RAD54B: variants seen among roughly 807,000 people sequenced by gnomAD.
RAD54B encodes RAD54 homolog B.
In RAD54B, 78 loss-of-function variants were observed where a neutral mutation model predicts 95.8. The observed-to-expected ratio is 0.81, with a 90% CI of 0.68 to 0.98. The LOEUF is 0.98. Among genes scored for constraint, RAD54B ranks in the 50% least tolerant of loss-of-function variants. The probability of loss-of-function intolerance (pLI) is 0.00; values close to 1 mark genes in which losing one functional copy is unlikely to be tolerated. For synonymous variants in RAD54B, 328 were observed against 354.9 expected (o/e 0.92, Z 0.85); for missense variants, 957 against 1,056.6 (o/e 0.91, Z 1.31).
chr8:94,391,495 G>C, intron 10 of RAD54B, 114 bp downstream of exon 10: 1 of 1,106,694 alleles, frequency 9.0e-7, no homozygotes, highest in Non-Finnish European at 1.3e-6. Context: ...AGCCAGCAGA[G>C]CTTTTTGAAA....
chr8:94,468,463 C>A (rs1813083494), intron 1 of RAD54B, among the ~76,000 whole-genome samples: 1 of 151,568 alleles, frequency 6.6e-6, no homozygotes, highest in Non-Finnish European at 1.5e-5. Flanking sequence ...AATCCCTGTA[C>A]TTTGAAAGGA....
intron 10 of RAD54B, among the ~76,000 whole-genome samples, chr8:94,388,540 C>T (rs11991084): frequency 0.018 from 2,789 of 152,232 alleles, 72 homozygotes; most frequent in African/African-American, 0.062. Context: ...GCCCCCCTAA[C>T]CCCAGGGTTG....
intron 10 of RAD54B, 94 bp downstream of exon 10, chr8:94,391,515 T>C (rs1408041578): frequency 7.5e-7 from 1 of 1,331,506 alleles, no homozygotes; most frequent in East Asian, 2.3e-5. Flanking sequence ...AACCCACAAA[T>C]GCAACCTCAG....
intron 11 of RAD54B, among the ~76,000 whole-genome samples, chr8:94,381,819 G>GT (rs1810747330): frequency 6.6e-6 from 1 of 152,096 alleles, no homozygotes; most frequent in Admixed American, 6.5e-5. Flanking sequence ...ACAAGAAATT[G>GT]TTTTAAGAGA....
At chr8:94,474,157 T>C (rs1229889729) in intron 1 of RAD54B, among the ~76,000 whole-genome samples, 1 of 152,098 alleles carries the variant, frequency 6.6e-6, no homozygotes, top group Non-Finnish European at 1.5e-5. Context: ...AAATGGGAGC[T>C]AAACATTGGG....
rs112849710 is a variant in RAD54B, at chr8:94,448,694, TA to T, written c.304+9573del. Among the ~76,000 whole-genome samples, 219 of 138,192 alleles carry T rather than the reference TA, an allele frequency of 1.6e-3. 1 individual carries two copies. The highest frequency in any genetic ancestry group is 4.3e-3 in the East Asian group (21 of 4,874). 90.7% of individuals were successfully genotyped at this position (138,192 alleles called of 152,430 possible). ...TCACGTTATATGTGGAATGTTACTTTAAAAAAAAAAAAAAGGCCAAACATAC... is the reference window on the plus strand; with the variant it reads ...TCACGTTATATGTGGAATGTTACTTTAAAAAAAAAAAAAGGCCAAACATAC... On this transcript the variant is annotated intron_variant, in intron 3 of 14. Transcript: ENST00000336148.
chr8:94,386,420 G>C (rs1433084126), intron 11 of RAD54B, among the ~76,000 whole-genome samples: 1 of 152,162 alleles, frequency 6.6e-6, no homozygotes, highest in African/African-American at 2.4e-5. Flanking sequence ...GATAGATTTA[G>C]ATGTCCATTC....
In RAD54B at chr8:94,411,164, CTT is replaced by C; in HGVS notation, c.454_455del (p.Lys152ValfsTer19). 6.2e-7 allele frequency: 1 copy of C among 1,610,166 alleles called. No homozygotes were observed. Among genetic ancestry groups the C allele is most frequent in the Non-Finnish European group, 8.5e-7 (1 of 1,178,590 alleles). The stretch of plus-strand genomic sequence containing the variant: ...CTTCCAAATTCTTTAATATAAATGA[CTT>C]TCCTTTTACAATAAGAACAGCATCA... The part of the protein sequence containing the change: ...EGDAVLIVKG[K>X]SFILKNLEGK... On this transcript the variant is annotated frameshift_variant, in exon 4 of 15. Transcript: ENST00000336148. LOFTEE classifies it high-confidence loss of function.
chr8:94,436,862 C>CTA, intron 3 of RAD54B: 4 of 1,524,192 alleles, frequency 2.6e-6, no homozygotes, highest in Non-Finnish European at 3.5e-6. Flanking sequence ...CTAGCCTTTC[C>CTA]TACCATTGTT....
intron 1 of RAD54B, among the ~76,000 whole-genome samples, chr8:94,469,404 G>C (rs545535403): frequency 2.0e-5 from 3 of 152,272 alleles, no homozygotes; most frequent in Non-Finnish European, 4.4e-5. Flanking sequence ...TTGCCTTCCG[G>C]CATAAATGTG....
At chr8:94,434,018 G>A (rs1286909386) in intron 3 of RAD54B, among the ~76,000 whole-genome samples, 1 of 151,488 alleles carries the variant, frequency 6.6e-6, no homozygotes, top group African/African-American at 2.4e-5. Context: ...CTATTTGTAG[G>A]TTATATAAAT....
At chr8:94,417,232 G>T (rs1811694897) in intron 3 of RAD54B, among the ~76,000 whole-genome samples, 1 of 152,072 alleles carries the variant, frequency 6.6e-6, no homozygotes, top group Non-Finnish European at 1.5e-5. Flanking sequence ...TAGGCTGGAG[G>T]GTAAGGATGG....
intron 3 of RAD54B, among the ~76,000 whole-genome samples, chr8:94,432,986 C>A (rs1295573824): frequency 6.6e-6 from 1 of 152,054 alleles, no homozygotes; most frequent in South Asian, 2.1e-4. Flanking sequence ...TTTCCCACAA[C>A]CCTAAGGTTT....
At chr8:94,419,496 G>A (rs908102007) in intron 3 of RAD54B, among the ~76,000 whole-genome samples, 11 of 151,798 alleles carry the variant, frequency 7.2e-5, no homozygotes, top group Admixed American at 5.3e-4. Context: ...CAACAAGAGC[G>A]AAACTCCGTC....
Position 94,467,523 on chromosome 8 carries a change from G to A in RAD54B, c.17C>T (p.Ala6Val). Residue 6 changes from alanine to valine, a missense_variant, in exon 2 of 15, where the codon GCA becomes GTA. Coordinates refer to ENST00000336148, the MANE Select transcript of RAD54B (RefSeq NM_012415.3). ...GGAATTCCCCTGCAACTGACTTGGT[G>A]CTGCAGATCGTCTCATATTCAGCAG... MRRSAAPSQLQGNSFK... is the reference protein window; with the variant it reads MRRSAVPSQLQGNSFK... The A allele has an allele frequency of 6.2e-7, 1 of 1,612,974 alleles. No homozygotes were observed. The highest frequency in any genetic ancestry group is 8.5e-7 in the Non-Finnish European group (1 of 1,179,916).
Position 94,393,757 on chromosome 8 carries a change from G to C in RAD54B, c.1504C>G (p.Pro502Ala), listed in dbSNP as rs774551093. The change falls in exon 9 of 15, where the codon CCT (proline) becomes GCT (alanine). Residue 502 changes from proline (P) to alanine (A), a missense_variant. Pro to Ala is a conservative substitution (Grantham distance 27, BLOSUM62 -1). Transcript: ENST00000336148. ...YEEPIILSRE[P>A]SASEEEKELG... is the part of the protein sequence containing the mutation. Reference sequence around the variant, plus strand: ...GTAAATTATACCTCAGAAGCAGAAGGTTCTCTCGATAAAATGATGGGTTCT... The same window carrying C: ...GTAAATTATACCTCAGAAGCAGAAGCTTCTCTCGATAAAATGATGGGTTCT... 22 of 1,579,780 alleles carry C rather than the reference G, an allele frequency of 1.4e-5. No individual in the cohort carries two copies. The highest frequency in any genetic ancestry group is 1.9e-5 in the Non-Finnish European group (22 of 1,151,800).
chr8:94,407,829 G>T, intron 4 of RAD54B, 109 bp from the exon 5 acceptor site: 1 of 769,280 alleles, frequency 1.3e-6, no homozygotes, highest in South Asian at 2.9e-5. Flanking sequence ...CTTATATAAT[G>T]CATTAGCCAA....
chr8:94,436,967 G>A (rs1363173209), intron 3 of RAD54B: 2 of 1,429,278 alleles, frequency 1.4e-6, no homozygotes, highest in Non-Finnish European at 1.8e-6. Flanking sequence ...GGCTTAACTA[G>A]GCTAGCCTCA....
At chr8:94,376,826 T>C (rs1810587236) in intron 14 of RAD54B, among the ~76,000 whole-genome samples, 1 of 150,478 alleles carries the variant, frequency 6.6e-6, no homozygotes, top group Non-Finnish European at 1.5e-5. Context: ...TAAGCTTCTA[T>C]TGTACCTAAA....
Sources: gnomAD v4.1 joint callset for allele counts (sites outside exome capture counted in the v4.1 genomes callset) on GRCh38, gnomAD v4.1.1 for gene constraint, MANE v1.5 for transcripts, NCBI Gene and HGNC (gene_info 2026-07-23, HGNC 2026-07-21) for gene names.